Variants in SLC39A14 observed in about 807,000 individuals in gnomAD.
SLC39A14 encodes the protein solute carrier family 39 member 14.
A neutral mutation model predicts 45.5 loss-of-function variants in SLC39A14; 19 were observed. The ratio of observed to expected loss-of-function variants is 0.42; its 90% CI spans 0.29 to 0.61. SLC39A14 has a LOEUF of 0.61. Ranked by LOEUF, SLC39A14 falls within the 20% of genes least tolerant of loss-of-function variation. The probability of loss-of-function intolerance (pLI) is 0.22; values close to 1 mark genes in which losing one functional copy is unlikely to be tolerated. For missense variants in SLC39A14, 447 were observed against 616.5 expected, an observed-to-expected ratio of 0.73 and a Z score of 2.91; for synonymous variants, 264 against 251.3, an observed-to-expected ratio of 1.05 and a Z score of -0.48.
intron 1 of SLC39A14, among the ~76,000 whole-genome samples, chr8:22,394,512 G>C (rs1276130737): frequency 1.3e-5 from 2 of 151,286 alleles, no homozygotes; most frequent in Non-Finnish European, 2.9e-5. Flanking sequence ...GTAGAGACGG[G>C]GTTTCATCGT....
intron 1 of SLC39A14, among the ~76,000 whole-genome samples, chr8:22,377,663 T>C (rs900112594): frequency 6.6e-6 from 1 of 152,228 alleles, no homozygotes; most frequent in African/African-American, 2.4e-5. Flanking sequence ...AGTCATTTTC[T>C]TAGTTGGGGT....
In SLC39A14 at chr8:22,367,513, C is replaced by T. The variant is rs1049766625; in HGVS notation, c.-16+105C>T. 2 of 152,210 alleles carry T rather than the reference C, an allele frequency of 1.3e-5. No individual in the cohort carries two copies. The highest frequency in any genetic ancestry group is 2.9e-5 in the Non-Finnish European group (2 of 68,116). The allele number at this position is 152,210 out of a possible 1,614,324, so 9.4% of individuals were successfully genotyped here. ...GGCGGGGACAGCCCTGCGCCGAGGA[C>T]CGGGCGCCGCTCCCGGGCACCGGCA... On this transcript the variant is annotated intron_variant, in intron 1 of 8. Coordinates refer to ENST00000381237, the MANE Select transcript of SLC39A14 (RefSeq NM_001128431.4). This position sits in a 1 kb window ranked among gnomAD's most constrained non-coding sequence, Gnocchi z 4.2.
rs182906150 is a variant in SLC39A14, at chr8:22,422,690, A to G, written c.*2992A>G. 9 of 985,274 alleles carry G rather than the reference A, an allele frequency of 9.1e-6. No individual in the cohort carries two copies. In the East Asian group the frequency reaches 1.0e-3, roughly 112 times the overall value. 61.0% of individuals were successfully genotyped at this position (985,274 alleles called of 1,614,324 possible). ...ATATTCTGTAATTGTTGAGAATCCC[A>G]CGGGTGATCATTTGCAATAAATGTG... On this transcript the variant is annotated 3_prime_UTR_variant, in exon 9 of 9. Coordinates refer to ENST00000381237, the MANE Select transcript of SLC39A14 (RefSeq NM_001128431.4).
intron 1 of SLC39A14, among the ~76,000 whole-genome samples, chr8:22,397,396 G>A (rs1304590605): frequency 2.6e-5 from 4 of 152,180 alleles, no homozygotes; most frequent in African/African-American, 9.6e-5. Context: ...GGCTAACACA[G>A]TGAAAGCCGG....
At chr8:22,369,885 G>A (rs938121280) in intron 1 of SLC39A14, among the ~76,000 whole-genome samples, 1 of 152,196 alleles carries the variant, frequency 6.6e-6, no homozygotes, top group Non-Finnish European at 1.5e-5. Flanking sequence ...TAGGAATGGT[G>A]TGAGCCCAGG....
intron 1 of SLC39A14, among the ~76,000 whole-genome samples, chr8:22,402,106 G>A (rs2132295841): frequency 6.6e-6 from 1 of 152,232 alleles, no homozygotes; most frequent in African/African-American, 2.4e-5. Context: ...TATAGGCTGG[G>A]CGCAGTAGCT....
intron 1 of SLC39A14, among the ~76,000 whole-genome samples, chr8:22,391,430 T>C (rs1344999009): frequency 1.3e-5 from 2 of 152,168 alleles, no homozygotes; most frequent in African/African-American, 4.8e-5. Context: ...TAAATGAAAT[T>C]CAAGGTCAGG....
At chr8:22,372,220 A>G (rs1422378364) in intron 1 of SLC39A14, among the ~76,000 whole-genome samples, 2 of 152,002 alleles carry the variant, frequency 1.3e-5, no homozygotes, top group African/African-American at 4.8e-5. Context: ...CATTTTATTA[A>G]ATTTTTTTTT....
At chr8:22,432,781 G>A (rs1430451433) in intron 8 of SLC39A14, among the ~76,000 whole-genome samples, 3 of 149,984 alleles carry the variant, frequency 2.0e-5, no homozygotes, top group Non-Finnish European at 4.4e-5. Context: ...CCAAGTAGCT[G>A]GGATTACAGG....
intron 1 of SLC39A14, among the ~76,000 whole-genome samples, chr8:22,378,677 G>A (rs571574317): frequency 7.2e-5 from 11 of 152,304 alleles, no homozygotes; most frequent in African/African-American, 1.7e-4. Context: ...CCCACTCAAC[G>A]TAATTTCCCT....
intron 1 of SLC39A14, among the ~76,000 whole-genome samples, chr8:22,380,344 G>C (rs867116198): frequency 6.6e-6 from 1 of 152,198 alleles, no homozygotes; most frequent in Non-Finnish European, 1.5e-5. Flanking sequence ...GAGCTTAAGT[G>C]ATTGCAGAGT....
At chr8:22,428,172 C>G (rs1364545786) in intron 8 of SLC39A14, among the ~76,000 whole-genome samples, 2 of 152,092 alleles carry the variant, frequency 1.3e-5, no homozygotes, top group African/African-American at 4.8e-5. Context: ...TGGCGCATGC[C>G]TGTAATCCCA....
chr8:22,396,212 C>G (rs1158471383), intron 1 of SLC39A14, among the ~76,000 whole-genome samples: 3 of 151,296 alleles, frequency 2.0e-5, no homozygotes, highest in Non-Finnish European at 4.4e-5. Context: ...ACTAAAAATA[C>G]AAAAATTAGC....
At chr8:22,375,038 G>C (rs1270897697) in intron 1 of SLC39A14, among the ~76,000 whole-genome samples, 2 of 151,038 alleles carry the variant, frequency 1.3e-5, no homozygotes, top group Non-Finnish European at 3.0e-5. Flanking sequence ...GAGCCACCGC[G>C]CCTGGCCAGC....
chr8:22,395,586 C>A (rs1013520165), intron 1 of SLC39A14, among the ~76,000 whole-genome samples: 2 of 152,142 alleles, frequency 1.3e-5, no homozygotes, highest in Admixed American at 6.5e-5. Context: ...GAATTTTGTT[C>A]TGTATTTGTC....
At chr8:22,376,727 A>C (rs1256588125) in intron 1 of SLC39A14, among the ~76,000 whole-genome samples, 1 of 152,004 alleles carries the variant, frequency 6.6e-6, no homozygotes, top group East Asian at 1.9e-4. Flanking sequence ...AAAATACAAA[A>C]ATTAGCCAGG....
chr8:22,396,699 C>G (rs1386931002), intron 1 of SLC39A14, among the ~76,000 whole-genome samples: 1 of 147,752 alleles, frequency 6.8e-6, no homozygotes, highest in Non-Finnish European at 1.5e-5. Flanking sequence ...GTTTTTGGTC[C>G]AGGTGCACCG....
chr8:22,430,651 C>G (rs545049895), intron 8 of SLC39A14, among the ~76,000 whole-genome samples: 1 of 152,028 alleles, frequency 6.6e-6, no homozygotes, highest in African/African-American at 2.4e-5. Flanking sequence ...CAGGAAGTGA[C>G]GGCAGCTTTG....
intron 8 of SLC39A14, among the ~76,000 whole-genome samples, chr8:22,428,072 G>A (rs1194997669): frequency 6.6e-6 from 1 of 152,126 alleles, no homozygotes; most frequent in East Asian, 1.9e-4. Context: ...GCTGAGGCGG[G>A]TGGATCACCT....
Sources: allele counts gnomAD v4.1 joint callset (sites outside exome capture counted in the v4.1 genomes callset), GRCh38; gene constraint gnomAD v4.1.1; non-coding constraint Gnocchi (gnomAD v3.1); transcripts MANE v1.5; gene names NCBI Gene and HGNC (gene_info 2026-07-23, HGNC 2026-07-21).